RNF14: variants seen among roughly 807,000 people sequenced by gnomAD.
RNF14 encodes the protein ring finger protein 14, also known as E3 ubiquitin-protein ligase RNF14.
A neutral mutation model predicts 52.6 loss-of-function variants in RNF14; 26 were observed. The ratio of observed to expected loss-of-function variants is 0.49; its 90% confidence interval spans 0.36 to 0.69. RNF14 has a LOEUF of 0.69. Among genes scored for constraint, RNF14 ranks in the 30% least tolerant of loss-of-function variants. The probability of loss-of-function intolerance (pLI) is 0.00; values close to 1 mark genes in which losing one functional copy is unlikely to be tolerated. For synonymous variants in RNF14, 194 were observed against 202.0 expected (o/e 0.96, Z 0.34); for missense variants, 404 against 560.4 (o/e 0.72, Z 2.82).
upstream of RNF14, among the ~76,000 whole-genome samples, chr5:141,961,947 G>A (rs552448733): frequency 4.6e-5 from 7 of 152,124 alleles, no homozygotes; most frequent in African/African-American, 9.7e-5. Flanking sequence ...CTTTCTCCTC[G>A]TGAATCTCCC....
At chr5:141,971,879 C>T (rs1447875658) in intron 2 of RNF14, among the ~76,000 whole-genome samples, 6 of 151,908 alleles carry the variant, frequency 3.9e-5, no homozygotes, top group Non-Finnish European at 7.4e-5. Context: ...AACTCTTGGC[C>T]TCAAGTGATC....
At chr5:141,964,345 A>G (rs1753299547), upstream of RNF14, among the ~76,000 whole-genome samples, 1 of 152,158 alleles carries the variant, frequency 6.6e-6, no homozygotes, top group South Asian at 2.1e-4. Flanking sequence ...CAGGGCACCA[A>G]TTGCCTGGGT....
rs377452281 is a variant in RNF14, at chr5:141,983,547, A to G, written c.1231A>G (p.Ile411Val). 1.2e-6 allele frequency: 2 copies of G among 1,609,110 alleles called. No individual in the cohort carries two copies. The highest frequency in any genetic ancestry group is 2.7e-5 in the African/African-American group (2 of 74,644). Residue 411 changes from isoleucine to valine, a missense_variant, in exon 7 of 9, where the codon ATA becomes GTA. Ile to Val is a conservative substitution (Grantham distance 29). Transcript: ENST00000394520. The stretch of plus-strand genomic sequence containing the variant: ...GAGCTGCCCATGTTGTGGAACTCCC[A>G]TAGAGGTAAATGTTTTGGGACAGAC... ...SKSCPCCGTPIEKLDGCNKMT... is the reference protein window; with the variant it reads ...SKSCPCCGTPVEKLDGCNKMT...
chr5:141,956,815 T>C (rs1473535324), upstream of RNF14: 13 of 1,614,140 alleles, frequency 8.1e-6, no homozygotes, highest in East Asian at 4.5e-5. Context: ...GATGTTGTCA[T>C]TGACATCCAG....
At chr5:141,957,631 G>T (rs755839229), upstream of RNF14, 11 of 1,614,044 alleles carry the variant, frequency 6.8e-6, no homozygotes, top group Admixed American at 1.8e-4. The surrounding 1 kb of genome is among the most constrained non-coding windows in gnomAD (Gnocchi z 4.3). Context: ...AATGGGGAGC[G>T]CCTGAGGCAG....
At chr5:141,964,405 T>C (rs762287989), upstream of RNF14, among the ~76,000 whole-genome samples, 3 of 152,156 alleles carry the variant, frequency 2.0e-5, no homozygotes, top group Non-Finnish European at 4.4e-5. Context: ...GGCAAGTCAA[T>C]TATCTATGAT....
Position 141,988,507 on chromosome 5 carries a change from A to G in RNF14, c.*717A>G, listed in dbSNP as rs1461426048. On this transcript the variant is annotated 3_prime_UTR_variant, in exon 9 of 9. Transcript: ENST00000394520. Reference sequence around the variant, plus strand: ...GAATTTAGTGATACTGGCTCAGAAGAATTTAAGTTCTATTCAGCCTTCCTG... The same window carrying G: ...GAATTTAGTGATACTGGCTCAGAAGGATTTAAGTTCTATTCAGCCTTCCTG... The G allele has an allele frequency of 1.3e-5, 2 of 152,332 alleles. No homozygotes were observed. Among genetic ancestry groups the G allele is most frequent in the Non-Finnish European group, 2.9e-5 (2 of 68,044 alleles). The allele number at this position is 152,332 out of a possible 1,614,324, so 9.4% of individuals were successfully genotyped here. A position where few individuals can be genotyped will look rare whatever the true frequency, so the allele number is the denominator to read the frequency against.
chr5:141,949,591 A>G, the RNF14 span: 1 of 1,612,716 alleles, frequency 6.2e-7, no homozygotes, highest in Non-Finnish European at 8.5e-7. Context: ...CTCCTGCAAA[A>G]GAAACCAACC....
the RNF14 span, chr5:141,952,590 A>G: frequency 1.7e-3 from 263 of 152,414 alleles, 1 homozygote; most frequent in Admixed American, 2.7e-3. Flanking sequence ...GCCAGACCCT[A>G]TAGGCCATTG....
upstream of RNF14, chr5:141,956,055 G>A (rs1173448557): frequency 6.2e-7 from 1 of 1,614,122 alleles, no homozygotes; most frequent in Non-Finnish European, 8.5e-7. Flanking sequence ...TGCCCGCTGG[G>A]CCCAAGCCAT....
intron 4 of RNF14, among the ~76,000 whole-genome samples, chr5:141,976,054 A>C (rs1387385522): frequency 2.6e-5 from 4 of 152,224 alleles, no homozygotes; most frequent in Non-Finnish European, 5.9e-5. Flanking sequence ...TTTAAGTGAG[A>C]GTACTTTCAC....
intron 7 of RNF14, among the ~76,000 whole-genome samples, chr5:141,984,479 A>G: frequency 6.6e-6 from 1 of 152,234 alleles, no homozygotes; most frequent in South Asian, 2.1e-4. Context: ...TTCTGTAAAA[A>G]TTAAAAACCC....
upstream of RNF14, chr5:141,957,505 A>G (rs770966834): frequency 1.2e-6 from 2 of 1,614,000 alleles, no homozygotes; most frequent in African/African-American, 1.3e-5. The surrounding 1 kb of genome is among the most constrained non-coding windows in gnomAD (Gnocchi z 4.3). Flanking sequence ...GATCAGAGCC[A>G]AATCCCCTGT....
At chr5:141,967,080 T>C (rs1753368008), upstream of RNF14, among the ~76,000 whole-genome samples, 1 of 152,246 alleles carries the variant, frequency 6.6e-6, no homozygotes, top group Non-Finnish European at 1.5e-5. Flanking sequence ...ACAATCAAGA[T>C]TTATAGTACA....
Position 141,978,575 on chromosome 5 carries a change from AC to A in RNF14, c.580del (p.Leu194CysfsTer4). ...AGAGAGCAGTGCAGGATGTGGAATC[AC>A]TGTCAAATCTGATCCAGGAAATCTT... ...DERAVQDVES[L>X]SNLIQEILDF... On this transcript the variant is annotated frameshift_variant, in exon 5 of 9. Coordinates refer to ENST00000394520, the MANE Select transcript of RNF14 (RefSeq NM_004290.5). LOFTEE classifies it high-confidence loss of function. 1 of 1,614,130 alleles carries A rather than the reference AC, an allele frequency of 6.2e-7. No individual in the cohort carries two copies. Among genetic ancestry groups the A allele is most frequent in the South Asian group, 1.1e-5 (1 of 91,082 alleles).
At chr5:141,979,990 G>A (rs986597923) in intron 5 of RNF14, 133 bp from the exon 6 acceptor site, 1 of 697,206 alleles carries the variant, frequency 1.4e-6, no homozygotes, top group African/African-American at 1.8e-5. Flanking sequence ...AATGTACTTG[G>A]TTTGATTTTG....
At chr5:141,981,367 A>G (rs1335575772) in intron 6 of RNF14, among the ~76,000 whole-genome samples, 1 of 152,174 alleles carries the variant, frequency 6.6e-6, no homozygotes, top group Non-Finnish European at 1.5e-5. Context: ...AGTTCTAGCT[A>G]TTCAGAAGGC....
rs924512881 is a variant in RNF14, at chr5:141,988,875, T to C, written c.*1085T>C. 1 of 152,354 alleles carries C rather than the reference T, an allele frequency of 6.6e-6. No individual in the cohort carries two copies. Among genetic ancestry groups the C allele is most frequent in the African/African-American group, 2.4e-5 (1 of 41,456 alleles). 9.4% of individuals were successfully genotyped at this position (152,354 alleles called of 1,614,324 possible). ...TACTCTTTCTTTGCAACAGCAGTGT[T>C]CTGGGTGATAATTTTGAATTGATAC... On this transcript the variant is annotated 3_prime_UTR_variant, in exon 9 of 9. Transcript: ENST00000394520.
At chr5:141,949,401 C>T in the RNF14 span, 22 of 1,591,238 alleles carry the variant, frequency 1.4e-5, no homozygotes, top group Non-Finnish European at 1.8e-5. Flanking sequence ...GGGGCAGAAG[C>T]AGGGTCAAGG....
Sources: gnomAD v4.1 joint callset for allele counts (sites outside exome capture counted in the v4.1 genomes callset) on GRCh38, gnomAD v4.1.1 for gene constraint, Gnocchi (gnomAD v3.1) non-coding constraint, MANE v1.5 for transcripts, NCBI Gene and HGNC (gene_info 2026-07-23, HGNC 2026-07-21) for gene names.